The following FAF1 variants were observed in gnomAD, a reference collection of about 807,000 sequenced individuals.
FAF1 encodes the protein FAS-associated factor 1.
In FAF1, 25 loss-of-function variants were observed where a neutral mutation model predicts 92.5. The observed-to-expected ratio is 0.27, with a 90% CI of 0.20 to 0.38. FAF1 has a LOEUF of 0.38. Ranked by LOEUF, FAF1 falls within the 10% of genes least tolerant of loss-of-function variation. FAF1 has a pLI of 1.00. For synonymous variants in FAF1, 234 were observed against 273.2 expected, an observed-to-expected ratio of 0.86 and a Z score of 1.42; for missense variants, 636 against 793.3, an observed-to-expected ratio of 0.80 and a Z score of 2.38.
chr1:50,907,287 T>A (rs1214076927), intron 1 of FAF1, among the ~76,000 whole-genome samples: 1 of 152,240 alleles, frequency 6.6e-6, no homozygotes, highest in Non-Finnish European at 1.5e-5. Context: ...TTTGCCAGTA[T>A]TTTATTGAGG....
At chr1:50,853,361 A>G (rs1413154365) in intron 2 of FAF1, among the ~76,000 whole-genome samples, 2 of 152,156 alleles carry the variant, frequency 1.3e-5, no homozygotes, top group Non-Finnish European at 2.9e-5. Flanking sequence ...TTCAGTGTAT[A>G]TGACTGTACT....
intron 1 of FAF1, among the ~76,000 whole-genome samples, chr1:50,882,804 G>A (rs1444059285): frequency 1.3e-5 from 2 of 151,684 alleles, no homozygotes; most frequent in Non-Finnish European, 2.9e-5. Flanking sequence ...TGGCCAACAT[G>A]GTGAAACCCC....
chr1:50,601,436 C>A (rs1209923961), intron 8 of FAF1, among the ~76,000 whole-genome samples: 2 of 152,114 alleles, frequency 1.3e-5, no homozygotes, highest in African/African-American at 2.4e-5. Flanking sequence ...AATTCCAGCA[C>A]TTTGGGAGGC....
chr1:50,584,143 A>G (rs902091519), intron 10 of FAF1, among the ~76,000 whole-genome samples: 1 of 152,120 alleles, frequency 6.6e-6, no homozygotes, highest in African/African-American at 2.4e-5. Context: ...TTCTGCCCAC[A>G]GGAGTTCTCT....
At chr1:50,634,821 C>G (rs1028238116) in intron 8 of FAF1, among the ~76,000 whole-genome samples, 10 of 152,174 alleles carry the variant, frequency 6.6e-5, no homozygotes, top group Admixed American at 2.6e-4. Context: ...TGACTAAGAC[C>G]TGTTTCCTGC....
intron 7 of FAF1, among the ~76,000 whole-genome samples, chr1:50,671,168 G>A (rs548411420): frequency 5.3e-5 from 8 of 152,144 alleles, no homozygotes; most frequent in Admixed American, 6.5e-5. Context: ...ACTTTGGGAG[G>A]CTGAGGCAGG....
At chr1:50,872,117 C>G (rs895157746) in intron 1 of FAF1, among the ~76,000 whole-genome samples, 1 of 151,620 alleles carries the variant, frequency 6.6e-6, no homozygotes, top group African/African-American at 2.4e-5. Flanking sequence ...GCTATAATAG[C>G]TGCTGTAGAT....
chr1:50,801,331 T>C (rs1199305535), intron 3 of FAF1, among the ~76,000 whole-genome samples: 2 of 152,230 alleles, frequency 1.3e-5, no homozygotes, highest in African/African-American at 2.4e-5. Flanking sequence ...CCAGTGCTAA[T>C]AGTTTAAAAA....
At chr1:50,514,465 A>G (rs1249447728) in intron 15 of FAF1, among the ~76,000 whole-genome samples, 1 of 152,248 alleles carries the variant, frequency 6.6e-6, no homozygotes, top group East Asian at 1.9e-4. Flanking sequence ...GTTACTACTT[A>G]TTATATCAAA....
At chr1:50,499,222 G>A (rs1056770352) in intron 15 of FAF1, among the ~76,000 whole-genome samples, 2 of 152,072 alleles carry the variant, frequency 1.3e-5, no homozygotes, top group African/African-American at 4.8e-5. Flanking sequence ...AGGAGAATGG[G>A]GAGTTATTGC....
At position 50,783,779 on chromosome 1, in the gene FAF1, G is replaced by A. The variant is rs891823375; in HGVS notation, c.367+4221C>T. On this transcript the variant is annotated intron_variant, in intron 4 of 18. Coordinates refer to ENST00000396153, the MANE Select transcript of FAF1 (RefSeq NM_007051.3). ...AATCACAGCTACTGAGGGGGCCGAG[G>A]CATGAGAATCACTTGAACCTAGGAG... is the stretch of plus-strand genomic sequence containing the variant. 7.9e-5 allele frequency among the ~76,000 whole-genome samples: 12 copies of A among 152,222 alleles called. No homozygotes were observed. The East Asian group carries it at 2.3e-3, about 29-fold the overall frequency.
chr1:50,667,237 T>A (rs1402880917), intron 7 of FAF1, among the ~76,000 whole-genome samples: 1 of 152,222 alleles, frequency 6.6e-6, no homozygotes, highest in Non-Finnish European at 1.5e-5. Flanking sequence ...TTACCAAGGC[T>A]CTTCCTCTTA....
chr1:50,865,692 GT>G lies in FAF1; in HGVS notation c.46-7696del, dbSNP rs1490701550. On this transcript the variant is annotated intron_variant, in intron 1 of 18. Coordinates refer to ENST00000396153, the MANE Select transcript of FAF1 (RefSeq NM_007051.3). ...ATCACACTCTGGGGACTGTTGTGGG[GT>G]GGGGGGAGGGGGGAGGGATAGCTTT... 4.0e-5 allele frequency among the ~76,000 whole-genome samples: 4 copies of G among 100,498 alleles called. No individual in the cohort carries two copies. In the East Asian group the frequency reaches 9.7e-4, roughly 24 times the overall value. 65.9% of individuals were successfully genotyped at this position (100,498 alleles called of 152,430 possible).
In FAF1 at chr1:50,905,256, T is replaced by A. The variant is rs534787707; in HGVS notation, c.46-47259A>T. Among the ~76,000 whole-genome samples the A allele has an allele frequency of 2.0e-4, 30 of 152,290 alleles. No individual in the cohort carries two copies. The East Asian group carries it at 4.2e-3, about 22-fold the overall frequency. On this transcript the variant is annotated intron_variant, in intron 1 of 18. Transcript: ENST00000396153. ...GCTGCATAGTATCCCATGGTGTACA[T>A]GTGCCACATTTTCTTAATCCAGTCT...
intron 4 of FAF1, among the ~76,000 whole-genome samples, chr1:50,778,592 A>G (rs1034536551): frequency 6.6e-6 from 1 of 152,238 alleles, no homozygotes; most frequent in Admixed American, 6.5e-5. Flanking sequence ...AATGTTATTA[A>G]GAAATCCAAA....
chr1:50,616,394 C>T (rs78278248), intron 8 of FAF1, among the ~76,000 whole-genome samples: 2,248 of 152,212 alleles, frequency 0.015, 56 homozygotes, highest in African/African-American at 0.052. Flanking sequence ...GTAGTTTGAT[C>T]GGAATAACAC....
chr1:50,931,709 TACA>T (rs912601059), intron 1 of FAF1, among the ~76,000 whole-genome samples: 7 of 151,268 alleles, frequency 4.6e-5, no homozygotes, highest in African/African-American at 7.3e-5. Flanking sequence ...CTACTAAAAA[TACA>T]ACAACAACAA....
Position 50,960,174 on chromosome 1 carries a change from G to A in FAF1, c.-363C>T, listed in dbSNP as rs1645306065. The A allele has an allele frequency of 3.2e-6, 1 of 313,508 alleles. No individual in the cohort carries two copies. Among genetic ancestry groups the A allele is most frequent in the African/African-American group, 2.2e-5 (1 of 45,326 alleles). The allele number at this position is 313,508 out of a possible 1,614,324, so 19.4% of individuals were successfully genotyped here. A position where few individuals can be genotyped will look rare whatever the true frequency, so the allele number is the denominator to read the frequency against. On this transcript the variant is annotated 5_prime_UTR_variant, in exon 1 of 19. Transcript: ENST00000396153. ...CTTCAGCGGCGTTAAGCCCGGCGGG[G>A]GCGGGGAAACCGAGCGAGCGAGCGG...
intron 18 of FAF1, among the ~76,000 whole-genome samples, chr1:50,442,088 T>C (rs933250605): frequency 1.3e-5 from 2 of 151,762 alleles, no homozygotes; most frequent in African/African-American, 4.8e-5. Context: ...TTTTAAAAAT[T>C]AAAAAAAATC....
Sources: allele counts gnomAD v4.1 joint callset (sites outside exome capture counted in the v4.1 genomes callset), GRCh38; gene constraint gnomAD v4.1.1; transcripts MANE v1.5; gene names NCBI Gene and HGNC (gene_info 2026-07-23, HGNC 2026-07-21).